RIGI: variants seen among roughly 807,000 people sequenced by gnomAD.
RIGI encodes the protein RNA sensor RIG-I.
At chr9:32,517,255 T>C in the RIGI span, among the ~76,000 whole-genome samples, 1 of 152,238 alleles carries the variant, frequency 6.6e-6, no homozygotes, top group African/African-American at 2.4e-5. Context: ...CAGCCTTCAT[T>C]GGATTACCGA....
chr9:32,498,634 A>G, the RIGI span, among the ~76,000 whole-genome samples: 60 of 152,330 alleles, frequency 3.9e-4, no homozygotes, highest in Non-Finnish European at 7.6e-4. Context: ...AACATATATA[A>G]TAAAGAGTAT....
At chr9:32,468,665 T>TA in the RIGI span, among the ~76,000 whole-genome samples, 247 of 143,454 alleles carry the variant, frequency 1.7e-3, 1 homozygote, top group African/African-American at 4.6e-3. Flanking sequence ...GACTCTATCT[T>TA]AAAAAAAAAA....
At chr9:32,511,337 T>A in the RIGI span, among the ~76,000 whole-genome samples, 3 of 152,042 alleles carry the variant, frequency 2.0e-5, no homozygotes, top group Non-Finnish European at 4.4e-5. Flanking sequence ...TAATAGGAAA[T>A]AAAACACTCC....
chr9:32,509,402 G>A, the RIGI span, among the ~76,000 whole-genome samples: 1 of 152,194 alleles, frequency 6.6e-6, no homozygotes, highest in Non-Finnish European at 1.5e-5. Flanking sequence ...CCAAAGGAAG[G>A]AACAGGCAGC....
the RIGI span, among the ~76,000 whole-genome samples, chr9:32,486,617 A>G: frequency 2.0e-5 from 3 of 151,876 alleles, no homozygotes; most frequent in Admixed American, 2.0e-4. Flanking sequence ...CTTGGCAAAG[A>G]AAAAGAAAAA....
chr9:32,500,970 A>T, the RIGI span: 1 of 1,608,920 alleles, frequency 6.2e-7, no homozygotes, highest in Non-Finnish European at 8.5e-7. Context: ...GACTCATCAA[A>T]CTGCAGAACT....
chr9:32,482,112 AACCTCCAAACTGTTCTCCCT>A, the RIGI span, among the ~76,000 whole-genome samples: 3 of 152,036 alleles, frequency 2.0e-5, no homozygotes, highest in Non-Finnish European at 4.4e-5. Flanking sequence ...ATAATATGAC[AACCTCCAAACTGTTCTCCCT>A]ACCTCTTGCC....
At chr9:32,524,374 T>C in the RIGI span, among the ~76,000 whole-genome samples, 4 of 152,182 alleles carry the variant, frequency 2.6e-5, no homozygotes, top group Non-Finnish European at 5.9e-5. Context: ...TTCACACCAG[T>C]TGTTAGTGTT....
At chr9:32,499,325 T>TTTG in the RIGI span, among the ~76,000 whole-genome samples, 575 of 149,700 alleles carry the variant, frequency 3.8e-3, 7 homozygotes, top group African/African-American at 0.014. Flanking sequence ...TGTTTTTTTT[T>TTTG]TTTTTTTTTT....
chr9:32,500,890 C>A, the RIGI span: 1 of 1,614,142 alleles, frequency 6.2e-7, no homozygotes, highest in Non-Finnish European at 8.5e-7. Flanking sequence ...GTGTGGCAGC[C>A]TCCATTGGGC....
chr9:32,483,403 T>G, the RIGI span, among the ~76,000 whole-genome samples: 6 of 152,008 alleles, frequency 3.9e-5, no homozygotes, highest in Admixed American at 1.3e-4. Context: ...CTAAGCAGTT[T>G]AGAGATGAGC....
the RIGI span, among the ~76,000 whole-genome samples, chr9:32,491,944 T>A: frequency 4.6e-5 from 7 of 152,300 alleles, no homozygotes; most frequent in Non-Finnish European, 8.8e-5. Flanking sequence ...TTCAGACACT[T>A]AATGACAACC....
At chr9:32,523,552 C>G in the RIGI span, among the ~76,000 whole-genome samples, 3 of 152,142 alleles carry the variant, frequency 2.0e-5, no homozygotes, top group Non-Finnish European at 4.4e-5. Context: ...CTCACCCTTA[C>G]CTCCTCACCA....
the RIGI span, among the ~76,000 whole-genome samples, chr9:32,464,545 G>A: frequency 5.9e-5 from 9 of 152,088 alleles, 1 homozygote; most frequent in South Asian, 1.9e-3. Context: ...GCCCGTCACC[G>A]CGCCTGGCTA....
At chr9:32,515,915 C>A in the RIGI span, among the ~76,000 whole-genome samples, 1 of 152,226 alleles carries the variant, frequency 6.6e-6, no homozygotes, top group Admixed American at 6.5e-5. Flanking sequence ...CTCTTTTCCT[C>A]CTCTGCTCAT....
the RIGI span, among the ~76,000 whole-genome samples, chr9:32,512,757 T>C: frequency 1.3e-5 from 2 of 152,128 alleles, no homozygotes; most frequent in Non-Finnish European, 2.9e-5. Context: ...GGGTATTCAA[T>C]TAGGAAAACA....
chr9:32,486,508 G>A, the RIGI span, among the ~76,000 whole-genome samples: 1 of 151,152 alleles, frequency 6.6e-6, no homozygotes, highest in Non-Finnish European at 1.5e-5. Flanking sequence ...AAAACACAGG[G>A]AAAGTAACAC....
chr9:32,488,642 A>T, the RIGI span: 703 of 1,307,742 alleles, frequency 5.4e-4, 4 homozygotes, highest in African/African-American at 9.6e-3. Flanking sequence ...TCTAATATAA[A>T]TTTTTTTAAA....
the RIGI span, chr9:32,472,906 T>C: frequency 2.1e-6 from 2 of 972,418 alleles, no homozygotes; most frequent in Non-Finnish European, 3.0e-6. Flanking sequence ...CACACACACA[T>C]ATACATACAC....
Sources: allele counts gnomAD v4.1 joint callset (sites outside exome capture counted in the v4.1 genomes callset), GRCh38; gene constraint gnomAD v4.1.1; transcripts MANE v1.5; gene names NCBI Gene and HGNC (gene_info 2026-07-23, HGNC 2026-07-21).